The following RARB variants were observed in gnomAD, a reference collection of about 807,000 sequenced individuals.
RARB encodes HBV-activated protein.
RARB carries 17 observed loss-of-function variants against 51.9 expected under a neutral mutation model. The ratio of observed to expected loss-of-function variants is 0.33; its 90% CI spans 0.22 to 0.49. The LOEUF (loss-of-function observed/expected upper bound fraction) is 0.49. RARB is among the 20% of genes least tolerant of loss of function. The probability of loss-of-function intolerance (pLI) is 0.99; values close to 1 mark genes in which losing one functional copy is unlikely to be tolerated. For missense variants in RARB, 369 were observed against 550.8 expected, an observed-to-expected ratio of 0.67 and a Z score of 3.30; for synonymous variants, 215 against 195.4, an observed-to-expected ratio of 1.10 and a Z score of -0.84.
intron 2 of RARB, among the ~76,000 whole-genome samples, chr3:25,472,463 G>T (rs1324719020): frequency 6.6e-6 from 1 of 152,194 alleles, no homozygotes; most frequent in Admixed American, 6.6e-5. Flanking sequence ...TTTAGGGAAA[G>T]AAATTATGGA....
chr3:25,234,889 C>T (rs988092125), intron 5 of RARB, among the ~76,000 whole-genome samples: 1 of 152,098 alleles, frequency 6.6e-6, no homozygotes, highest in African/African-American at 2.4e-5. Context: ...TTTTACCTAC[C>T]CATGCTACTT....
At chr3:25,047,436 T>C (rs2125297891) in intron 2 of RARB, among the ~76,000 whole-genome samples, 1 of 152,266 alleles carries the variant, frequency 6.6e-6, no homozygotes, top group South Asian at 2.1e-4. Flanking sequence ...AAAAAATGTT[T>C]ATGTAAAAGA....
At chr3:25,493,314 C>T (rs534678758) in intron 2 of RARB, among the ~76,000 whole-genome samples, 5 of 152,292 alleles carry the variant, frequency 3.3e-5, no homozygotes, top group East Asian at 1.9e-4. Context: ...GACGTTGTCA[C>T]GCATAGACTT....
intron 3 of RARB, among the ~76,000 whole-genome samples, chr3:25,103,665 A>T (rs1451994790): frequency 6.6e-6 from 1 of 152,210 alleles, no homozygotes; most frequent in Non-Finnish European, 1.5e-5. Context: ...CCTCACAGCT[A>T]ATTTTCTAGA....
intron 3 of RARB, among the ~76,000 whole-genome samples, chr3:25,085,174 G>T (rs890781049): frequency 6.6e-6 from 1 of 152,212 alleles, no homozygotes; most frequent in Non-Finnish European, 1.5e-5. Flanking sequence ...TTTATCAGTT[G>T]GGATTTATTC....
intron 2 of RARB, among the ~76,000 whole-genome samples, chr3:25,485,059 CTT>C (rs1456012602): frequency 6.6e-6 from 1 of 152,192 alleles, no homozygotes; most frequent in Non-Finnish European, 1.5e-5. Flanking sequence ...AAAACACTCT[CTT>C]TGCCTCCAAA....
chr3:25,378,793 A>G (rs1198324080), intron 5 of RARB, among the ~76,000 whole-genome samples: 1 of 152,232 alleles, frequency 6.6e-6, no homozygotes, highest in Non-Finnish European at 1.5e-5. Context: ...TCTGTAAAAT[A>G]CTGATAAGAA....
At chr3:24,947,352 A>G (rs1298573333) in intron 2 of RARB, among the ~76,000 whole-genome samples, 1 of 152,230 alleles carries the variant, frequency 6.6e-6, no homozygotes, top group Admixed American at 6.5e-5. Context: ...ACAGATGCAC[A>G]TTTTATAGCA....
Position 25,557,635 on chromosome 3 carries a change from C to G in RARB, c.449-12123C>G, listed in dbSNP as rs148387806. ...GCACCTTGCATCTGCTATCCTGGCA[C>G]TTCCCTACAGTCCCTCCCTGGTTTA... On this transcript the variant is annotated intron_variant, in intron 3 of 7. Transcript: ENST00000330688. 6.1e-3 allele frequency among the ~76,000 whole-genome samples: 923 copies of G among 152,270 alleles called. 16 individuals are homozygous for G. The highest frequency in any genetic ancestry group is 0.021 in the African/African-American group (872 of 41,532).
At chr3:25,051,536 A>G (rs763416202) in intron 2 of RARB, among the ~76,000 whole-genome samples, 4 of 151,178 alleles carry the variant, frequency 2.6e-5, no homozygotes, top group Admixed American at 6.6e-5. Flanking sequence ...GAATTAGTAA[A>G]GGAAAAAGTT....
intron 5 of RARB, among the ~76,000 whole-genome samples, chr3:25,405,524 A>C (rs1448616780): frequency 6.6e-6 from 1 of 152,214 alleles, no homozygotes; most frequent in East Asian, 1.9e-4. Flanking sequence ...ATGTGGCTAG[A>C]GAATGTCATG....
intron 4 of RARB, among the ~76,000 whole-genome samples, chr3:25,165,043 G>C (rs1380125855): frequency 6.6e-6 from 1 of 152,140 alleles, no homozygotes; most frequent in African/African-American, 2.4e-5. Flanking sequence ...TACTGAGTTA[G>C]TATGGTCCTT....
intron 2 of RARB, among the ~76,000 whole-genome samples, chr3:25,463,026 A>G (rs1323555041): frequency 1.3e-5 from 2 of 152,174 alleles, no homozygotes; most frequent in African/African-American, 2.4e-5. Flanking sequence ...AATAAAACGA[A>G]TCTGTCAACT....
intron 2 of RARB, among the ~76,000 whole-genome samples, chr3:24,971,747 G>C (rs1021240561): frequency 1.1e-4 from 17 of 151,934 alleles, no homozygotes; most frequent in Non-Finnish European, 2.4e-4. Flanking sequence ...CTTGGGCTTG[G>C]TATGCGCTGG....
At chr3:24,985,168 C>T (rs958402467) in intron 2 of RARB, among the ~76,000 whole-genome samples, 1 of 152,130 alleles carries the variant, frequency 6.6e-6, no homozygotes, top group Admixed American at 6.5e-5. Flanking sequence ...AATTTTGGTT[C>T]ATGCCCTTTT....
At chr3:25,184,754 T>A (rs1575203541) in intron 5 of RARB, among the ~76,000 whole-genome samples, 4 of 152,210 alleles carry the variant, frequency 2.6e-5, no homozygotes, top group Admixed American at 2.6e-4. Flanking sequence ...AGGCTAAGTA[T>A]GGTGGCTCAC....
chr3:25,246,764 C>G (rs1421991800), intron 5 of RARB, among the ~76,000 whole-genome samples: 1 of 152,156 alleles, frequency 6.6e-6, no homozygotes, highest in East Asian at 1.9e-4. Flanking sequence ...TTGAACCCTG[C>G]TGGGAAGTGT....
Position 25,208,503 on chromosome 3 carries a change from C to T in RARB, c.178+33928C>T, listed in dbSNP as rs138101992. Among the ~76,000 whole-genome samples, 543 of 152,176 alleles carry T rather than the reference C, an allele frequency of 3.6e-3. 1 individual carries two copies. The highest frequency in any genetic ancestry group is 0.017 in the Middle Eastern group (5 of 294). On this transcript the variant is annotated intron_variant, in intron 5 of 11. Coordinates refer to the RARB transcript ENST00000383772. ...TAAACATTCTATCAATAAAGCCCAT[C>T]TTAGGAGAATAGCCCCAAAATCTAG... is the stretch of plus-strand genomic sequence containing the variant.
intron 5 of RARB, among the ~76,000 whole-genome samples, chr3:25,364,261 T>C (rs1706044331): frequency 6.6e-6 from 1 of 152,176 alleles, no homozygotes; most frequent in African/African-American, 2.4e-5. Context: ...ACAGAGCAAG[T>C]ACTCAATGAA....
Sources: allele counts gnomAD v4.1 joint callset (sites outside exome capture counted in the v4.1 genomes callset), GRCh38; gene constraint gnomAD v4.1.1; transcripts MANE v1.5; gene names NCBI Gene and HGNC (gene_info 2026-07-23, HGNC 2026-07-21).